Variants in WSCD1 observed in about 807,000 individuals in gnomAD.
The protein encoded by WSCD1 is WSC domain sialate O sulfotransferase 1, also known as sialate:O-sulfotransferase 1.
In WSCD1, 41 loss-of-function variants were observed where a neutral mutation model predicts 60.4. The ratio of observed to expected loss-of-function variants is 0.68; its 90% CI spans 0.53 to 0.88. The LOEUF (loss-of-function observed/expected upper bound fraction) is 0.88. Ranked by LOEUF, WSCD1 falls within the 40% of genes least tolerant of loss-of-function variation. The pLI is 0.00. For synonymous variants in WSCD1, 361 were observed against 332.5 expected (o/e 1.09, Z -0.93); for missense variants, 784 against 796.2 (o/e 0.98, Z 0.18).
chr17:6,081,623 A>G (rs541544753), intron 2 of WSCD1, among the ~76,000 whole-genome samples: 1 of 152,044 alleles, frequency 6.6e-6, no homozygotes, highest in East Asian at 1.9e-4. Context: ...AGGTACCAGA[A>G]TCGCTGGAAT....
intron 5 of WSCD1, among the ~76,000 whole-genome samples, chr17:6,100,058 A>C (rs1278108106): frequency 6.6e-6 from 1 of 152,060 alleles, no homozygotes; most frequent in African/African-American, 2.4e-5. Flanking sequence ...CTTGTGTGGC[A>C]CTTTATAGCT....
chr17:6,090,232 A>G, intron 3 of WSCD1, 89 bp from the exon 4 acceptor site: 1 of 1,323,500 alleles, frequency 7.6e-7, no homozygotes, highest in East Asian at 2.6e-5. Context: ...ATACTTTCTA[A>G]TCTACATCAA....
chr17:6,071,703 G>C (rs1908554276), intron 1 of WSCD1, among the ~76,000 whole-genome samples: 1 of 152,216 alleles, frequency 6.6e-6, no homozygotes, highest in Admixed American at 6.5e-5. Flanking sequence ...GGGTGGTGGG[G>C]AGTGAAAGTT....
At chr17:6,088,805 C>T (rs1412838607) in intron 3 of WSCD1, among the ~76,000 whole-genome samples, 6 of 133,876 alleles carry the variant, frequency 4.5e-5, no homozygotes, top group East Asian at 2.2e-4. Context: ...TTTTTTGAGA[C>T]GGAGTCTCGC....
chr17:6,071,541 A>C (rs1908545473), intron 1 of WSCD1, among the ~76,000 whole-genome samples: 1 of 152,244 alleles, frequency 6.6e-6, no homozygotes, highest in Non-Finnish European at 1.5e-5. Context: ...ACTCCGCTGT[A>C]CTTTTCTAAC....
At chr17:6,119,015 G>A (rs917085189) in intron 8 of WSCD1, among the ~76,000 whole-genome samples, 7 of 152,210 alleles carry the variant, frequency 4.6e-5, no homozygotes, top group African/African-American at 1.4e-4. Context: ...GGAGACAGCT[G>A]CCTTCTCACT....
In WSCD1 at chr17:6,118,734, G is replaced by T. The variant is rs538860303; in HGVS notation, c.1375+546G>T. On this transcript the variant is annotated intron_variant, in intron 8 of 8. Transcript: ENST00000317744. This position sits in a 1 kb window ranked among gnomAD's most constrained non-coding sequence, Gnocchi z 5.8. Reference sequence around the variant, plus strand: ...CTCTTGCTGACTCTTCACAGTGTCTGGTGGGGAAATCACATCAGCCCTACA... The same window carrying T: ...CTCTTGCTGACTCTTCACAGTGTCTTGTGGGGAAATCACATCAGCCCTACA... 6.6e-6 allele frequency among the ~76,000 whole-genome samples: 1 copy of T among 152,282 alleles called. No homozygotes were observed. Among genetic ancestry groups the T allele is most frequent in the East Asian group, 1.9e-4 (1 of 5,176 alleles).
Position 6,072,116 on chromosome 17 carries a change from G to A in WSCD1, c.-289+1464G>A, listed in dbSNP as rs559282747. On this transcript the variant is annotated intron_variant, in intron 1 of 8. Transcript: ENST00000317744. ...TAAAAATGCCTTCTTCTGGGGTGAG[G>A]GGATCCCTCTCTTCAGTGGGCATTG... 2.0e-5 allele frequency among the ~76,000 whole-genome samples: 3 copies of A among 152,354 alleles called. No homozygotes were observed. The South Asian group carries it at 6.2e-4, about 32-fold the overall frequency.
At chr17:6,119,968 A>G (rs1904556316) in intron 8 of WSCD1, among the ~76,000 whole-genome samples, 1 of 152,228 alleles carries the variant, frequency 6.6e-6, no homozygotes, top group Non-Finnish European at 1.5e-5. Context: ...TGTATGTCCT[A>G]CTGCCCTGCA....
intron 1 of WSCD1, among the ~76,000 whole-genome samples, chr17:6,073,264 G>A (rs1434358298): frequency 6.6e-6 from 1 of 152,238 alleles, no homozygotes; most frequent in Non-Finnish European, 1.5e-5. Flanking sequence ...GGATGGGCTT[G>A]AGACGACCCT....
rs1910808464 is a variant in WSCD1 at position 6,101,730 on chromosome 17, C to T, written c.849+6507C>T. Among the ~76,000 whole-genome samples, 2 of 152,166 alleles carry T rather than the reference C, an allele frequency of 1.3e-5. No individual in the cohort carries two copies. The highest frequency in any genetic ancestry group is 1.3e-4 in the Admixed American group (2 of 15,286). On this transcript the variant is annotated intron_variant, in intron 5 of 8. Transcript: ENST00000317744. This position sits in a 1 kb window ranked among gnomAD's most constrained non-coding sequence, Gnocchi z 4.1. Reference sequence around the variant, plus strand: ...GTATGGAGATGGAAAGAGACCTGCTCATTCTCAGTCCCCTTCAGGATCCTA... The same window carrying T: ...GTATGGAGATGGAAAGAGACCTGCTTATTCTCAGTCCCCTTCAGGATCCTA...
At chr17:6,095,284 AG>A (rs1910348387) in intron 5 of WSCD1, 61 bp downstream of exon 5, 5 of 1,546,044 alleles carry the variant, frequency 3.2e-6, no homozygotes, top group East Asian at 4.8e-5. Context: ...GTCCTGAGAG[AG>A]GGGGGCACAT....
Position 6,120,701 on chromosome 17 carries a change from A to G in WSCD1, c.*40A>G, listed in dbSNP as rs369310304. 5.5e-4 allele frequency: 870 copies of G among 1,567,678 alleles called. No homozygotes were observed. Among genetic ancestry groups the G allele is most frequent in the Non-Finnish European group, 6.9e-4 (797 of 1,154,194 alleles). ...GCCGCCGCCCCCGCTGAGTGACGCA[A>G]TCGCACCACGGGGCTGCGCTCCCCA... On this transcript the variant is annotated 3_prime_UTR_variant, in exon 9 of 9. Coordinates refer to ENST00000317744, the MANE Select transcript of WSCD1 (RefSeq NM_015253.2).
intron 4 of WSCD1, among the ~76,000 whole-genome samples, chr17:6,093,002 C>G (rs1270981959): frequency 6.6e-6 from 1 of 152,244 alleles, no homozygotes; most frequent in Non-Finnish European, 1.5e-5. Context: ...CCATTGTGAG[C>G]TGCAGCTTCT....
chr17:6,109,006 G>A (rs1263924207), intron 5 of WSCD1, among the ~76,000 whole-genome samples: 1 of 152,208 alleles, frequency 6.6e-6, no homozygotes, highest in Non-Finnish European at 1.5e-5. Flanking sequence ...GCACCCTGCA[G>A]TGGGACATCT....
At chr17:6,071,851 C>G (rs1908563912) in intron 1 of WSCD1, among the ~76,000 whole-genome samples, 1 of 152,196 alleles carries the variant, frequency 6.6e-6, no homozygotes, top group Admixed American at 6.5e-5. Flanking sequence ...ATCATGCCCC[C>G]ACCCCCACAC....
Position 6,080,653 on chromosome 17 carries a change from A to G in WSCD1, c.-6A>G. 1 of 1,613,370 alleles carries G rather than the reference A, an allele frequency of 6.2e-7. No individual in the cohort carries two copies. The highest frequency in any genetic ancestry group is 8.5e-7 in the Non-Finnish European group (1 of 1,179,836). ...GCTCCAGCCAGGAGCCCTGCTGCCC[A>G]GGGGCATGGCCAAACCTTTCTTCCG... On this transcript the variant is annotated 5_prime_UTR_variant, in exon 2 of 9. Coordinates refer to ENST00000317744, the MANE Select transcript of WSCD1 (RefSeq NM_015253.2). This position sits in a 1 kb window ranked among gnomAD's most constrained non-coding sequence, Gnocchi z 6.6.
At chr17:6,090,655 C>A in intron 4 of WSCD1, 150 bp downstream of exon 4, 1 of 1,148,040 alleles carries the variant, frequency 8.7e-7, no homozygotes, top group South Asian at 1.6e-5. Flanking sequence ...GGACAGGCTC[C>A]TGGCAGGGCA....
rs1159839645 is a variant in WSCD1, at chr17:6,075,712, G to A, written c.-288-4659G>A. On this transcript the variant is annotated intron_variant, in intron 1 of 8. Transcript: ENST00000317744. The surrounding 1 kb of genome is among the most constrained non-coding windows in gnomAD (Gnocchi z 4.1). ...GACCCCAGGACAGGGCAGTGGGTGT[G>A]CACCTTTGTCCAGCCCTGGCGTGCC... 3.3e-5 allele frequency among the ~76,000 whole-genome samples: 5 copies of A among 152,114 alleles called. No homozygotes were observed.
Sources: gnomAD v4.1 joint callset for allele counts (sites outside exome capture counted in the v4.1 genomes callset) on GRCh38, gnomAD v4.1.1 for gene constraint, Gnocchi (gnomAD v3.1) non-coding constraint, MANE v1.5 for transcripts, NCBI Gene and HGNC (gene_info 2026-07-23, HGNC 2026-07-21) for gene names.